Variants in CHN1 observed in about 807,000 individuals in gnomAD.
CHN1 encodes the protein chimerin 1, also known as N-chimaerin.
CHN1 carries 37 observed loss-of-function variants against 59.5 expected under a neutral mutation model. That is an observed-to-expected ratio of 0.62 (90% CI 0.48 to 0.82). The LOEUF (loss-of-function observed/expected upper bound fraction) is 0.82, where lower values mean the gene tolerates loss of function less well. Ranked by LOEUF, CHN1 falls within the 40% of genes least tolerant of loss-of-function variation. The pLI is 0.00. For missense variants in CHN1, 469 were observed against 571.0 expected (o/e 0.82, Z 1.82); for synonymous variants, 206 against 200.4 (o/e 1.03, Z -0.24).
chr2:174,913,688 G>GT (rs1437248267), intron 5 of CHN1, among the ~76,000 whole-genome samples: 1 of 152,182 alleles, frequency 6.6e-6, no homozygotes, highest in African/African-American at 2.4e-5. Context: ...TCAGCATTCA[G>GT]TATGAAATAA....
At chr2:174,801,958 T>G (rs1176648235) in intron 11 of CHN1, 146 bp from the exon 12 acceptor site, 1 of 601,130 alleles carries the variant, frequency 1.7e-6, no homozygotes, top group Non-Finnish European at 2.9e-6. Flanking sequence ...TTGGAAATTA[T>G]TTTTAAGGTT....
intron 4 of CHN1, among the ~76,000 whole-genome samples, chr2:174,915,525 A>AC (rs1263192583): frequency 1.1e-4 from 17 of 151,946 alleles, no homozygotes; most frequent in Admixed American, 9.2e-4. Context: ...AAAAAAAAAA[A>AC]AACGCAGAAA....
chr2:174,856,671 A>T (rs1686909595), intron 6 of CHN1, among the ~76,000 whole-genome samples: 1 of 152,186 alleles, frequency 6.6e-6, no homozygotes, highest in African/African-American at 2.4e-5. Context: ...CTGGCTTCCA[A>T]GCCTTGTTCT....
At chr2:174,963,681 T>C (rs1313764553) in intron 1 of CHN1, among the ~76,000 whole-genome samples, 5 of 152,224 alleles carry the variant, frequency 3.3e-5, no homozygotes, top group Admixed American at 2.6e-4. Flanking sequence ...CTGGTTTGTA[T>C]GTTCTTTCAA....
chr2:174,870,518 G>A (rs1228069514), intron 6 of CHN1, among the ~76,000 whole-genome samples: 9 of 152,152 alleles, frequency 5.9e-5, no homozygotes, highest in Admixed American at 5.2e-4. Context: ...GGAGCAAAAC[G>A]CATAAGATGA....
chr2:174,970,716 G>A (rs771909067), intron 1 of CHN1, among the ~76,000 whole-genome samples: 2 of 152,182 alleles, frequency 1.3e-5, no homozygotes, highest in Non-Finnish European at 2.9e-5. Flanking sequence ...CATAATGTAC[G>A]AGAGTAAAAA....
intron 7 of CHN1, among the ~76,000 whole-genome samples, chr2:174,826,117 G>C (rs752419065): frequency 6.6e-6 from 1 of 152,154 alleles, no homozygotes; most frequent in Non-Finnish European, 1.5e-5. Context: ...ATTTTATGTT[G>C]ATTTTGAAAA....
At chr2:174,915,714 C>A (rs1179573640) in intron 4 of CHN1, among the ~76,000 whole-genome samples, 2 of 152,120 alleles carry the variant, frequency 1.3e-5, no homozygotes, top group African/African-American at 2.4e-5. Context: ...TACTTGTTTT[C>A]ATTCCCTGCT....
chr2:174,886,232 C>T (rs375890933), intron 5 of CHN1, among the ~76,000 whole-genome samples: 17 of 152,220 alleles, frequency 1.1e-4, no homozygotes, highest in South Asian at 6.2e-4. Flanking sequence ...CAATACAATG[C>T]TTTTATTTAA....
chr2:174,839,203 G>A (rs1686202493), intron 7 of CHN1, among the ~76,000 whole-genome samples: 1 of 150,670 alleles, frequency 6.6e-6, no homozygotes, highest in South Asian at 2.1e-4. Flanking sequence ...TCTACTCTCA[G>A]AGAGATTTTA....
intron 8 of CHN1, among the ~76,000 whole-genome samples, chr2:174,823,306 C>G (rs1438409084): frequency 1.3e-5 from 2 of 152,124 alleles, no homozygotes; most frequent in Non-Finnish European, 2.9e-5. Context: ...CAGAAGGAAA[C>G]TTTTATGACC....
chr2:174,884,513 T>C (rs1426698545), intron 5 of CHN1, among the ~76,000 whole-genome samples: 1 of 152,182 alleles, frequency 6.6e-6, no homozygotes, highest in African/African-American at 2.4e-5. Context: ...GCAGTTAATA[T>C]AACCAGTACC....
chr2:174,875,416 T>C (rs958934120), intron 6 of CHN1, among the ~76,000 whole-genome samples: 1 of 152,202 alleles, frequency 6.6e-6, no homozygotes, highest in South Asian at 2.1e-4. Context: ...TTTGGTACTA[T>C]TGTTGTCCTT....
rs375447963 is a variant in CHN1 at position 174,907,525 on chromosome 2, T to C, written c.260+7533A>G. 9.2e-5 allele frequency among the ~76,000 whole-genome samples: 14 copies of C among 152,294 alleles called. No individual in the cohort carries two copies. In the East Asian group the frequency reaches 9.6e-4, roughly 10 times the overall value. On this transcript the variant is annotated intron_variant, in intron 5 of 12. Transcript: ENST00000409900. ...TACATTCTGTTTAGTGTCAAATCTTTGGAGATTTAGGAGGTATTATCTTTT... is the reference window on the plus strand; with the variant it reads ...TACATTCTGTTTAGTGTCAAATCTTCGGAGATTTAGGAGGTATTATCTTTT...
At chr2:174,815,384 A>G (rs982755555) in intron 8 of CHN1, among the ~76,000 whole-genome samples, 2 of 152,178 alleles carry the variant, frequency 1.3e-5, no homozygotes, top group Non-Finnish European at 2.9e-5. Context: ...TCTCTAAAAA[A>G]AAATAAATTA....
intron 1 of CHN1, among the ~76,000 whole-genome samples, chr2:174,959,947 G>A (rs904983579): frequency 1.3e-5 from 2 of 152,170 alleles, no homozygotes; most frequent in African/African-American, 4.8e-5. Flanking sequence ...GCCAAACAGT[G>A]CAGGGCTGGT....
At chr2:174,807,446 C>CTGTGTGTGTG (rs71031071) in intron 11 of CHN1, among the ~76,000 whole-genome samples, 1,714 of 83,796 alleles carry the variant, frequency 0.02, 153 homozygotes, top group East Asian at 0.031. Flanking sequence ...CACGGGCTAT[C>CTGTGTGTGTG]TGTGTGTGTG....
At chr2:174,865,368 A>T (rs1459802865) in intron 6 of CHN1, among the ~76,000 whole-genome samples, 1 of 152,140 alleles carries the variant, frequency 6.6e-6, no homozygotes, top group Non-Finnish European at 1.5e-5. Flanking sequence ...CTACAATGAT[A>T]CTAAGGGGCA....
In CHN1 at chr2:174,818,530, C is replaced by T. The variant is rs180731760; in HGVS notation, c.712+5904G>A. Among the ~76,000 whole-genome samples, 298 of 152,150 alleles carry T rather than the reference C, an allele frequency of 2.0e-3. 3 individuals carry two copies. The highest frequency in any genetic ancestry group is 6.1e-3 in the African/African-American group (254 of 41,514). On this transcript the variant is annotated intron_variant, in intron 8 of 12. Coordinates refer to ENST00000409900, the MANE Select transcript of CHN1 (RefSeq NM_001822.7). ...TATAGTTCCATTTCTCTCAGGGAAG[C>T]GCTATACTACAAATAATAATAATAA...
Sources: gnomAD v4.1 joint callset for allele counts (sites outside exome capture counted in the v4.1 genomes callset) on GRCh38, gnomAD v4.1.1 for gene constraint, MANE v1.5 for transcripts, NCBI Gene and HGNC (gene_info 2026-07-23, HGNC 2026-07-21) for gene names.